PDE4B: variants seen among roughly 807,000 people sequenced by gnomAD.
The protein encoded by PDE4B is phosphodiesterase 4B.
A neutral mutation model predicts 82.2 loss-of-function variants in PDE4B; 20 were observed. The observed-to-expected ratio is 0.24, with a 90% CI of 0.17 to 0.35. The LOEUF is 0.35. Among genes scored for constraint, PDE4B ranks in the 10% least tolerant of loss-of-function variants. The probability of loss-of-function intolerance (pLI) is 1.00; values close to 1 mark genes in which losing one functional copy is unlikely to be tolerated. For missense variants in PDE4B, 655 were observed against 907.2 expected (o/e 0.72, Z 3.57); for synonymous variants, 320 against 318.9 (o/e 1.00, Z -0.04).
chr1:65,985,139 T>C (rs1029387565), intron 3 of PDE4B, among the ~76,000 whole-genome samples: 3 of 152,144 alleles, frequency 2.0e-5, no homozygotes, highest in African/African-American at 7.2e-5. Context: ...ACCTACCATT[T>C]TGGAAGAATT....
At chr1:65,979,798 G>C (rs1650592326) in intron 3 of PDE4B, among the ~76,000 whole-genome samples, 1 of 152,164 alleles carries the variant, frequency 6.6e-6, no homozygotes, top group South Asian at 2.1e-4. Context: ...TTAGGTGCTG[G>C]AGTTACTGAG....
rs1352067740 is a variant in PDE4B, at chr1:65,793,023, T to C, written c.-296T>C. On this transcript the variant is annotated 5_prime_UTR_variant, in exon 1 of 17. Coordinates refer to ENST00000341517, the MANE Select transcript of PDE4B (RefSeq NM_002600.4). ...CCCGCGCGCCCCTTCCCGGGGCTCC[T>C]GGCCTCGCCTCAGCGGCTGCAGGCT... is the stretch of plus-strand genomic sequence containing the variant. Among the ~76,000 whole-genome samples the C allele has an allele frequency of 6.6e-6, 1 of 151,746 alleles. No homozygotes were observed. The highest frequency in any genetic ancestry group is 1.5e-5 in the Non-Finnish European group (1 of 67,894).
intron 16 of PDE4B, 97 bp downstream of exon 16, chr1:66,369,066 T>C (rs931579680): frequency 1.1e-6 from 1 of 886,044 alleles, no homozygotes; most frequent in Non-Finnish European, 1.7e-6. Flanking sequence ...AATATGTATA[T>C]ATGAAACAAT....
At chr1:66,266,435 A>G (rs1484854401) in intron 7 of PDE4B, among the ~76,000 whole-genome samples, 1 of 152,196 alleles carries the variant, frequency 6.6e-6, no homozygotes, top group Non-Finnish European at 1.5e-5. Flanking sequence ...GAGAGCTAAC[A>G]TCGAAGACCT....
At chr1:66,165,864 T>G in intron 3 of PDE4B, among the ~76,000 whole-genome samples, 1 of 152,090 alleles carries the variant, frequency 6.6e-6, no homozygotes, top group East Asian at 1.9e-4. Context: ...TCCAGTTGCT[T>G]TCTTTTTTTT....
At chr1:65,961,141 T>C (rs1649523915) in intron 3 of PDE4B, among the ~76,000 whole-genome samples, 1 of 152,048 alleles carries the variant, frequency 6.6e-6, no homozygotes, top group South Asian at 2.1e-4. Context: ...CATAATAATA[T>C]AGAGAAAAAT....
chr1:66,163,612 A>G (rs949289905), intron 3 of PDE4B, among the ~76,000 whole-genome samples: 4 of 152,208 alleles, frequency 2.6e-5, no homozygotes, highest in Non-Finnish European at 5.9e-5. Flanking sequence ...TTTAGTCCAT[A>G]AGATATTGTC....
At chr1:65,973,951 T>C (rs148413647) in intron 3 of PDE4B, among the ~76,000 whole-genome samples, 1 of 152,274 alleles carries the variant, frequency 6.6e-6, no homozygotes, top group Admixed American at 6.5e-5. Flanking sequence ...TAGCTGGGAC[T>C]GCAGGTGCAT....
intron 3 of PDE4B, among the ~76,000 whole-genome samples, chr1:66,174,798 A>G (rs973097567): frequency 7.3e-5 from 11 of 150,128 alleles, no homozygotes; most frequent in Non-Finnish European, 3.0e-5. Context: ...ACAACAAACT[A>G]CCTGAGACTG....
At chr1:66,070,996 A>C (rs926606925) in intron 3 of PDE4B, among the ~76,000 whole-genome samples, 12 of 151,992 alleles carry the variant, frequency 7.9e-5, no homozygotes, top group Non-Finnish European at 1.3e-4. Flanking sequence ...TATAAAAATG[A>C]CTGTTTAAAA....
At chr1:66,348,269 CAA>C (rs1457384748) in intron 8 of PDE4B, among the ~76,000 whole-genome samples, 3 of 152,120 alleles carry the variant, frequency 2.0e-5, no homozygotes, top group East Asian at 1.9e-4. Context: ...AAAGGAAAAA[CAA>C]AAGAGTGACT....
chr1:66,139,165 G>A (rs1028013052), intron 3 of PDE4B, among the ~76,000 whole-genome samples: 1 of 152,188 alleles, frequency 6.6e-6, no homozygotes, highest in African/African-American at 2.4e-5. Flanking sequence ...AGAAGTCCAA[G>A]TACAGCATGG....
chr1:65,936,794 A>C (rs916505163), intron 3 of PDE4B, among the ~76,000 whole-genome samples: 1 of 152,032 alleles, frequency 6.6e-6, no homozygotes, highest in Admixed American at 6.6e-5. Context: ...GGGCCCTTGA[A>C]CTCTCCTTTC....
intron 3 of PDE4B, among the ~76,000 whole-genome samples, chr1:66,087,924 C>G (rs2937268): frequency 1.3e-5 from 2 of 150,018 alleles, no homozygotes; most frequent in African/African-American, 2.5e-5. Flanking sequence ...TGCTAGATGA[C>G]GAGTTAGTGG....
At chr1:65,977,028 A>T (rs188923101) in intron 3 of PDE4B, among the ~76,000 whole-genome samples, 65 of 152,248 alleles carry the variant, frequency 4.3e-4, no homozygotes, top group Admixed American at 4.1e-3. Context: ...GAAAGTTCAC[A>T]CTCACTATGT....
chr1:66,062,325 G>A (rs929393736), intron 3 of PDE4B, among the ~76,000 whole-genome samples: 6 of 152,030 alleles, frequency 3.9e-5, no homozygotes, highest in Non-Finnish European at 8.8e-5. Flanking sequence ...AATAAAAATG[G>A]CACTTTATTT....
intron 3 of PDE4B, among the ~76,000 whole-genome samples, chr1:65,990,136 A>T (rs982886202): frequency 6.6e-6 from 1 of 152,084 alleles, no homozygotes; most frequent in Non-Finnish European, 1.5e-5. Context: ...TTTACTTGGG[A>T]ACTTGGCTGT....
intron 3 of PDE4B, among the ~76,000 whole-genome samples, chr1:66,108,684 T>C (rs1164575085): frequency 1.2e-5 from 1 of 85,616 alleles, no homozygotes; most frequent in African/African-American, 4.8e-5. Flanking sequence ...ATGTTCAATG[T>C]CACTACTAAT....
chr1:66,070,118 A>G (rs1656075807), intron 3 of PDE4B, among the ~76,000 whole-genome samples: 1 of 151,996 alleles, frequency 6.6e-6, no homozygotes, highest in African/African-American at 2.4e-5. Context: ...ACACTTTTAC[A>G]AGGCTCTGAA....
Sources: allele counts gnomAD v4.1 joint callset (sites outside exome capture counted in the v4.1 genomes callset), GRCh38; gene constraint gnomAD v4.1.1; transcripts MANE v1.5; gene names NCBI Gene and HGNC (gene_info 2026-07-23, HGNC 2026-07-21).